RUNX2: variants seen among roughly 807,000 people sequenced by gnomAD.
RUNX2 encodes RUNX family transcription factor 2.
A neutral mutation model predicts 51.7 loss-of-function variants in RUNX2; 10 were observed. That is an observed-to-expected ratio of 0.19 (90% CI 0.12 to 0.33). The LOEUF is 0.33. Ranked by LOEUF, RUNX2 falls within the 10% of genes least tolerant of loss-of-function variation. RUNX2 has a pLI of 1.00. For missense variants in RUNX2, 562 were observed against 691.3 expected, an observed-to-expected ratio of 0.81 and a Z score of 2.10; for synonymous variants, 276 against 273.6, an observed-to-expected ratio of 1.01 and a Z score of -0.09.
At chr6:45,423,543 C>G (rs1237239563) in intron 3 of RUNX2, among the ~76,000 whole-genome samples, 2 of 152,168 alleles carry the variant, frequency 1.3e-5, no homozygotes, top group East Asian at 3.9e-4. Context: ...CGGTCCTGGT[C>G]CCTCCCGGGC....
chr6:45,515,604 A>C (rs532970700), intron 7 of RUNX2, among the ~76,000 whole-genome samples: 1 of 152,314 alleles, frequency 6.6e-6, no homozygotes, highest in South Asian at 2.1e-4. Context: ...CATATTTAAA[A>C]CAAAGCCCTT....
chr6:45,482,081 T>C (rs1800132649), intron 5 of RUNX2, among the ~76,000 whole-genome samples: 1 of 152,224 alleles, frequency 6.6e-6, no homozygotes, highest in African/African-American at 2.4e-5. Context: ...TATTAGGACA[T>C]GGGAGAGGAG....
chr6:45,451,002 T>G (rs1799155472), intron 5 of RUNX2, among the ~76,000 whole-genome samples: 1 of 152,210 alleles, frequency 6.6e-6, no homozygotes, highest in Non-Finnish European at 1.5e-5. Context: ...CTGAGATTCT[T>G]CTTCGAGTTA....
At chr6:45,520,548 T>C (rs1384901221) in intron 7 of RUNX2, among the ~76,000 whole-genome samples, 1 of 152,192 alleles carries the variant, frequency 6.6e-6, no homozygotes, top group East Asian at 1.9e-4. Flanking sequence ...AAGTGTGCTG[T>C]GCTATTTCCC....
Position 45,393,375 on chromosome 6 carries a change from G to A in RUNX2, c.59-29218G>A, listed in dbSNP as rs573045002. ...GCTGTGCTTATTGTTTGCTATAGCT[G>A]CGGTGTCAGTGTCTAAAATGTACTA... is the stretch of plus-strand genomic sequence containing the variant. On this transcript the variant is annotated intron_variant, in intron 2 of 8. Coordinates refer to ENST00000647337, the MANE Select transcript of RUNX2 (RefSeq NM_001024630.4). 2.0e-5 allele frequency among the ~76,000 whole-genome samples: 3 copies of A among 152,202 alleles called. No individual in the cohort carries two copies. In the East Asian group the frequency reaches 5.8e-4, roughly 29 times the overall value.
At chr6:45,387,982 A>C (rs533265723) in intron 2 of RUNX2, among the ~76,000 whole-genome samples, 1 of 152,300 alleles carries the variant, frequency 6.6e-6, no homozygotes, top group South Asian at 2.1e-4. Flanking sequence ...TGTGAAAGAG[A>C]AAGAGTAGCT....
At chr6:45,397,606 C>T (rs778039797) in intron 2 of RUNX2, among the ~76,000 whole-genome samples, 14 of 151,998 alleles carry the variant, frequency 9.2e-5, no homozygotes, top group Non-Finnish European at 1.8e-4. Context: ...TTTGCTTTCC[C>T]CTAATGACTA....
At chr6:45,502,102 C>T (rs1248624439) in intron 6 of RUNX2, among the ~76,000 whole-genome samples, 2 of 152,068 alleles carry the variant, frequency 1.3e-5, no homozygotes, top group Admixed American at 1.3e-4. Flanking sequence ...TAAGGAAAAA[C>T]TTTTTAGACC....
intron 7 of RUNX2, among the ~76,000 whole-genome samples, chr6:45,521,796 T>G (rs1801515564): frequency 6.6e-6 from 1 of 152,212 alleles, no homozygotes; most frequent in African/African-American, 2.4e-5. Context: ...AGTTCATTAG[T>G]GTCCATCTTA....
At chr6:45,514,721 A>G (rs9472497) in intron 7 of RUNX2, among the ~76,000 whole-genome samples, 13,612 of 151,932 alleles carry the variant, frequency 0.09, 767 homozygotes, top group East Asian at 0.17. Context: ...TGCCTGGTGG[A>G]CTCAAGGACC....
At chr6:45,510,649 G>T (rs2150419863) in intron 6 of RUNX2, among the ~76,000 whole-genome samples, 1 of 152,152 alleles carries the variant, frequency 6.6e-6, no homozygotes. Context: ...AATAGGTGAT[G>T]TGTAGGGATA....
chr6:45,411,227 T>C (rs1311205795), intron 2 of RUNX2, among the ~76,000 whole-genome samples: 1 of 152,196 alleles, frequency 6.6e-6, no homozygotes, highest in Non-Finnish European at 1.5e-5. Context: ...GTGAAGTAAA[T>C]GAATTCAAAC....
At chr6:45,511,954 C>T (rs1432546285) in intron 6 of RUNX2, among the ~76,000 whole-genome samples, 1 of 152,080 alleles carries the variant, frequency 6.6e-6, no homozygotes, top group Non-Finnish European at 1.5e-5. Context: ...TTCTAAATGA[C>T]TATTAGACTT....
chr6:45,359,631 A>T (rs1025242531), intron 2 of RUNX2, among the ~76,000 whole-genome samples: 1 of 152,222 alleles, frequency 6.6e-6, no homozygotes, highest in Non-Finnish European at 1.5e-5. Context: ...GCATCTAATA[A>T]GTATATAGTA....
At chr6:45,460,649 C>T (rs1220103566) in intron 5 of RUNX2, among the ~76,000 whole-genome samples, 1 of 151,968 alleles carries the variant, frequency 6.6e-6, no homozygotes, top group Non-Finnish European at 1.5e-5. Flanking sequence ...GTCCCATCTA[C>T]TTGGGAGGCT....
intron 3 of RUNX2, among the ~76,000 whole-genome samples, chr6:45,426,545 C>G (rs1465289882): frequency 6.6e-6 from 1 of 152,134 alleles, no homozygotes; most frequent in Non-Finnish European, 1.5e-5. Flanking sequence ...TAGCTTCAAG[C>G]TGAAACACTA....
At chr6:45,343,263 A>C (rs1478097303) in intron 2 of RUNX2, among the ~76,000 whole-genome samples, 3 of 152,116 alleles carry the variant, frequency 2.0e-5, no homozygotes, top group African/African-American at 4.8e-5. Context: ...TAATCCCAGC[A>C]CTTTGGGAGG....
intron 5 of RUNX2, among the ~76,000 whole-genome samples, chr6:45,491,628 T>TTTTG (rs1345810741): frequency 1.8e-4 from 27 of 147,852 alleles, no homozygotes; most frequent in African/African-American, 6.8e-4. Flanking sequence ...GTTTGTTTTT[T>TTTTG]TTTTTTTTTT....
At chr6:45,485,359 C>T (rs531831332) in intron 5 of RUNX2, among the ~76,000 whole-genome samples, 6 of 151,726 alleles carry the variant, frequency 4.0e-5, no homozygotes, top group Admixed American at 2.0e-4. Context: ...TGTGCCATCA[C>T]GCCTGGCTAA....
Sources: gnomAD v4.1 joint callset for allele counts (sites outside exome capture counted in the v4.1 genomes callset) on GRCh38, gnomAD v4.1.1 for gene constraint, MANE v1.5 for transcripts, NCBI Gene and HGNC (gene_info 2026-07-23, HGNC 2026-07-21) for gene names.